Variants in CST8 observed in about 807,000 individuals in gnomAD.
CST8 encodes cystatin 8.
Under a neutral mutation model 11.8 loss-of-function variants are expected in CST8, and 20 were observed. The ratio of observed to expected loss-of-function variants is 1.70; its 90% CI spans 1.20 to 2.47. The LOEUF (loss-of-function observed/expected upper bound fraction) is 2.47. Ranked by LOEUF, CST8 falls within the 30% of genes most tolerant of loss-of-function variation. The probability of loss-of-function intolerance (pLI) is 0.00; values close to 1 mark genes in which losing one functional copy is unlikely to be tolerated. For synonymous variants in CST8, 77 were observed against 63.1 expected (o/e 1.22, Z -1.05); for missense variants, 196 against 167.2 (o/e 1.17, Z -0.95).
the CST8 span, among the ~76,000 whole-genome samples, chr20:23,503,318 C>T: frequency 7.2e-5 from 11 of 152,086 alleles, no homozygotes; most frequent in African/African-American, 2.7e-4. Flanking sequence ...GTATAAAACT[C>T]ACAGGATGCT....
the CST8 span, among the ~76,000 whole-genome samples, chr20:23,505,269 C>T: frequency 3.3e-5 from 5 of 151,596 alleles, no homozygotes; most frequent in East Asian, 1.9e-4. Context: ...CTCAGCCTCC[C>T]GAGTAGCTGG....
intron 2 of CST8, 47 bp downstream of exon 2, chr20:23,491,945 A>G (rs941004122): frequency 7.0e-7 from 1 of 1,438,066 alleles, no homozygotes; most frequent in African/African-American, 1.4e-5. Flanking sequence ...ATGGTGGCAC[A>G]GTTGAAGCCA....
the CST8 span, among the ~76,000 whole-genome samples, chr20:23,506,524 C>T: frequency 5.9e-5 from 9 of 152,166 alleles, no homozygotes; most frequent in Non-Finnish European, 1.2e-4. Flanking sequence ...TTTCAAGACA[C>T]CTCCTCCTTT....
chr20:23,501,013 T>C, the CST8 span, among the ~76,000 whole-genome samples: 1 of 152,210 alleles, frequency 6.6e-6, no homozygotes, highest in Non-Finnish European at 1.5e-5. Flanking sequence ...CTAGGGAATG[T>C]GCCTCTGTTT....
chr20:23,494,625 A>G (rs144058719), intron 3 of CST8, among the ~76,000 whole-genome samples: 1 of 152,262 alleles, frequency 6.6e-6, no homozygotes. Context: ...CAGGACCACT[A>G]TCTCTCTGCC....
chr20:23,495,839 C>A lies in CST8; in HGVS notation c.354C>A (p.Ser118Arg). Residue 118 changes from serine to arginine, a missense_variant, in exon 4 of 4, where the codon AGC (serine) becomes AGA (arginine). Physicochemically the swap from Ser to Arg is moderately radical, Grantham distance 110 (BLOSUM62 -1). Coordinates refer to ENST00000246012, the MANE Select transcript of CST8 (RefSeq NM_005492.4). The stretch of plus-strand genomic sequence containing the variant: ...GTTGTCATCTTTTTCAGAAATTAAG[C>A]TGCAGCTTTTTGGTAGGAGCACTTC... ...QENSKLKRKLSCSFLVGALPW... is the reference protein window; with the variant it reads ...QENSKLKRKLRCSFLVGALPW... 6.3e-7 allele frequency: 1 copy of A among 1,599,640 alleles called. No individual in the cohort carries two copies.
rs750316947 is a variant in CST8 at position 23,491,887 on chromosome 20, G to A, written c.220G>A (p.Ala74Thr). The A allele has an allele frequency of 2.5e-6, 4 of 1,613,648 alleles. No individual in the cohort carries two copies. The highest frequency in any genetic ancestry group is 3.4e-6 in the Non-Finnish European group (4 of 1,179,622). Residue 74 changes from alanine (A) to threonine (T), a missense_variant, in exon 2 of 4, where the codon GCC becomes ACC. Physicochemically the swap from Ala to Thr is moderately conservative, Grantham distance 58. Coordinates refer to ENST00000246012, the MANE Select transcript of CST8 (RefSeq NM_005492.4). ...CTTCCTGGTGGTCAAGACACTGCAA[G>A]CCCAGCTTCAGGTAAAGGTGTCTTT... ...YVFLVVKTLQ[A>T]QLQVTNLLEY...
intron 2 of CST8, 84 bp downstream of exon 2, chr20:23,491,982 A>G: frequency 9.4e-7 from 1 of 1,069,446 alleles, no homozygotes; most frequent in African/African-American, 1.6e-5. Context: ...ATATAAGAAA[A>G]ATATCACTAT....
In CST8 at chr20:23,495,916, G is replaced by A. The variant is rs1362135385; in HGVS notation, c.*2G>A. ...GAGAAAAAGTGTGAAGATGCTTAAT[G>A]GTGTTTTGAGGCATCCCTCCAACCT... On this transcript the variant is annotated 3_prime_UTR_variant, in exon 4 of 4. Transcript: ENST00000246012. The A allele has an allele frequency of 6.2e-7, 1 of 1,605,502 alleles. No individual in the cohort carries two copies. The highest frequency in any genetic ancestry group is 8.5e-7 in the Non-Finnish European group (1 of 1,175,426).
In CST8 at chr20:23,495,859, C is replaced by A. The variant is rs559058456; in HGVS notation, c.374C>A (p.Ala125Glu). ...TTAAGCTGCAGCTTTTTGGTAGGAG[C>A]ACTTCCCTGGAATGGTGAATTCACT... The part of the protein sequence containing the change: ...RKLSCSFLVG[A>E]LPWNGEFTVM... The change falls in exon 4 of 4, where the codon GCA becomes GAA. Residue 125 changes from alanine (A) to glutamate (E), a missense_variant. Physicochemically the swap from Ala to Glu is moderately radical, Grantham distance 107. Transcript: ENST00000246012. 264 of 1,609,304 alleles carry A rather than the reference C, an allele frequency of 1.6e-4. 2 individuals are homozygous for A. The South Asian group carries it at 2.7e-3, about 17-fold the overall frequency.
chr20:23,491,357 A>G lies in CST8; in HGVS notation c.-144+15A>G. 2.5e-6 allele frequency: 1 copy of G among 406,722 alleles called. No homozygotes were observed. The highest frequency in any genetic ancestry group is 4.5e-6 in the Non-Finnish European group (1 of 220,592). 25.2% of individuals were successfully genotyped at this position (406,722 alleles called of 1,614,324 possible). ...CGCTCACAGGGGTAGGCATAGACAC[A>G]CTGGGGCCGAAGGGGAGAGGAACTC... On this transcript the variant is annotated intron_variant, in intron 1 of 3. Transcript: ENST00000246012.
At chr20:23,491,478 G>A (rs573193142) in intron 1 of CST8, 47 bp from the exon 2 acceptor site, 6 of 597,838 alleles carry the variant, frequency 1.0e-5, no homozygotes, top group Non-Finnish European at 1.8e-5. Context: ...TGGAGAAAGA[G>A]AGGACAAACC....
chr20:23,498,102 A>G (rs969217177), downstream of CST8, among the ~76,000 whole-genome samples: 1 of 152,022 alleles, frequency 6.6e-6, no homozygotes, highest in African/African-American at 2.4e-5. Context: ...CAAGGAGAAG[A>G]GCAGGAGACA....
downstream of CST8, among the ~76,000 whole-genome samples, chr20:23,499,953 C>T (rs901803555): frequency 2.0e-5 from 3 of 150,620 alleles, no homozygotes; most frequent in African/African-American, 7.4e-5. Flanking sequence ...GCTTCTTGTG[C>T]AGGAGAGAGA....
downstream of CST8, among the ~76,000 whole-genome samples, chr20:23,497,585 G>A (rs1600298960): frequency 1.3e-5 from 2 of 152,322 alleles, no homozygotes; most frequent in East Asian, 1.9e-4. Context: ...ACCTGATACT[G>A]GGTAATTTAC....
the CST8 span, among the ~76,000 whole-genome samples, chr20:23,503,210 C>T: frequency 2.6e-5 from 4 of 152,240 alleles, no homozygotes; most frequent in African/African-American, 9.6e-5. Flanking sequence ...TGAAAATTTA[C>T]CCAAGCTAAA....
chr20:23,492,325 T>A (rs778410730), intron 2 of CST8, among the ~76,000 whole-genome samples: 1 of 152,342 alleles, frequency 6.6e-6, no homozygotes, highest in African/African-American at 2.4e-5. Context: ...GTAGCCTTGA[T>A]TGCATTCAGT....
chr20:23,491,723 T>A lies in CST8; in HGVS notation c.56T>A (p.Val19Glu), dbSNP rs1987888227. The change falls in exon 2 of 4, where the codon GTG (valine) becomes GAG (glutamate). Residue 19 changes from valine to glutamate, a missense_variant. Coordinates refer to ENST00000246012, the MANE Select transcript of CST8 (RefSeq NM_005492.4). ...LILLTIPLAL[V>E]ARKDPKKNET... Reference sequence around the variant, plus strand: ...CTCCTCACCATTCCCCTGGCCCTGGTGGCCAGGAAAGACCCAAAAAAGAAT... The same window carrying A: ...CTCCTCACCATTCCCCTGGCCCTGGAGGCCAGGAAAGACCCAAAAAAGAAT... 2 of 1,613,794 alleles carry A rather than the reference T, an allele frequency of 1.2e-6. No homozygotes were observed. Among genetic ancestry groups the A allele is most frequent in the Admixed American group, 3.3e-5 (2 of 59,990 alleles).
the CST8 span, among the ~76,000 whole-genome samples, chr20:23,501,406 G>A: frequency 5.3e-5 from 8 of 152,346 alleles, no homozygotes; most frequent in South Asian, 2.1e-4. Context: ...AGGTTTGTCC[G>A]ATGGATTCAG....
Sources: allele counts gnomAD v4.1 joint callset (sites outside exome capture counted in the v4.1 genomes callset), GRCh38; gene constraint gnomAD v4.1.1; transcripts MANE v1.5; gene names NCBI Gene and HGNC (gene_info 2026-07-23, HGNC 2026-07-21).